The following IL15 variants were observed in gnomAD, a reference collection of about 807,000 sequenced individuals.
The protein encoded by IL15 is interleukin 15, also known as interleukin-15.
IL15 carries 11 observed loss-of-function variants against 19.6 expected under a neutral mutation model. That is an observed-to-expected ratio of 0.56 (90% confidence interval 0.35 to 0.93). The LOEUF (loss-of-function observed/expected upper bound fraction) is 0.93, where lower values mean the gene tolerates loss of function less well. IL15 is among the 40% of genes least tolerant of loss of function. The probability of loss-of-function intolerance (pLI) is 0.01; values close to 1 mark genes in which losing one functional copy is unlikely to be tolerated. For synonymous variants in IL15, 58 were observed against 59.6 expected, an observed-to-expected ratio of 0.97 and a Z score of 0.12; for missense variants, 197 against 186.5, an observed-to-expected ratio of 1.06 and a Z score of -0.33.
chr4:141,655,543 A>G (rs1727559819), intron 1 of IL15, among the ~76,000 whole-genome samples: 1 of 152,096 alleles, frequency 6.6e-6, no homozygotes, highest in African/African-American at 2.4e-5. Context: ...AATTTATTTT[A>G]TAAAATAAAA....
At chr4:141,687,428 C>A (rs1488507811) in intron 2 of IL15, among the ~76,000 whole-genome samples, 1 of 152,198 alleles carries the variant, frequency 6.6e-6, no homozygotes, top group Non-Finnish European at 1.5e-5. Flanking sequence ...CTGACAGCAT[C>A]TGCTGCAAAC....
intron 2 of IL15, among the ~76,000 whole-genome samples, chr4:141,684,049 T>G (rs1728629595): frequency 6.6e-6 from 1 of 152,182 alleles, no homozygotes; most frequent in South Asian, 2.1e-4. Flanking sequence ...AGTGCTACAA[T>G]GCAGGTGAAA....
Position 141,659,806 on chromosome 4 carries a change from G to A in IL15, c.-100+3499G>A, listed in dbSNP as rs181570456. 1.6e-3 allele frequency among the ~76,000 whole-genome samples: 249 copies of A among 152,298 alleles called. 2 individuals are homozygous for A. Among genetic ancestry groups the A allele is most frequent in the African/African-American group, 5.7e-3 (238 of 41,566 alleles). ...CCCCTAGTATATGAGTAGTAAATAA[G>A]TGTTTTGAAGTCATAAGAAGAGTGT... On this transcript the variant is annotated intron_variant, in intron 2 of 7. Coordinates refer to ENST00000320650, the MANE Select transcript of IL15 (RefSeq NM_000585.5).
chr4:141,682,932 A>G (rs1430183996), intron 2 of IL15, among the ~76,000 whole-genome samples: 1 of 151,942 alleles, frequency 6.6e-6, no homozygotes, highest in Non-Finnish European at 1.5e-5. Context: ...AACCTGGGCG[A>G]CAAAGCGAGA....
intron 2 of IL15, chr4:141,714,539 A>G (rs1729811557): frequency 6.6e-6 from 1 of 152,282 alleles, no homozygotes; most frequent in African/African-American, 2.4e-5. Flanking sequence ...CATCCCAGGC[A>G]GGCTTCTGCC....
chr4:141,711,122 A>G (rs886180792), intron 2 of IL15, among the ~76,000 whole-genome samples: 1 of 152,180 alleles, frequency 6.6e-6, no homozygotes, highest in Admixed American at 6.6e-5. Flanking sequence ...TCAGAACTGT[A>G]TACTGTATGC....
intron 2 of IL15, chr4:141,718,488 T>C (rs1274964530): frequency 2.0e-5 from 3 of 152,212 alleles, no homozygotes. Flanking sequence ...TTAGATCATA[T>C]GTAACAGGAA....
At chr4:141,679,672 T>C (rs1000087987) in intron 2 of IL15, among the ~76,000 whole-genome samples, 2 of 152,188 alleles carry the variant, frequency 1.3e-5, no homozygotes, top group Non-Finnish European at 2.9e-5. Context: ...ACCAAAATAT[T>C]AAAAAACAGA....
At chr4:141,667,261 C>T (rs540023234) in intron 2 of IL15, among the ~76,000 whole-genome samples, 4 of 152,266 alleles carry the variant, frequency 2.6e-5, no homozygotes, top group African/African-American at 7.2e-5. Flanking sequence ...ACCCAAGGAC[C>T]GGGCTGTGGG....
chr4:141,723,851 A>G (rs1730174597), intron 5 of IL15, among the ~76,000 whole-genome samples: 2 of 152,178 alleles, frequency 1.3e-5, no homozygotes, highest in Non-Finnish European at 2.9e-5. Context: ...GTGAAACAAA[A>G]AATAATAGGG....
chr4:141,693,212 T>TTTA (rs1313446118), intron 2 of IL15, among the ~76,000 whole-genome samples: 18 of 151,910 alleles, frequency 1.2e-4, no homozygotes, highest in South Asian at 6.3e-4. Context: ...AACTGCCACT[T>TTTA]TTAAACTATC....
chr4:141,643,743 G>C (rs188142138), intron 1 of IL15, among the ~76,000 whole-genome samples: 1 of 152,036 alleles, frequency 6.6e-6, no homozygotes, highest in African/African-American at 2.4e-5. Context: ...CTCTGTCTTG[G>C]TGATCTCATC....
At chr4:141,668,053 G>A (rs1169646877) in intron 2 of IL15, among the ~76,000 whole-genome samples, 1 of 152,070 alleles carries the variant, frequency 6.6e-6, no homozygotes, top group Non-Finnish European at 1.5e-5. Flanking sequence ...TTTAATTTGT[G>A]CATTAAAATG....
chr4:141,642,014 A>T (rs1479096049), intron 1 of IL15, among the ~76,000 whole-genome samples: 1 of 151,988 alleles, frequency 6.6e-6, no homozygotes, highest in Non-Finnish European at 1.5e-5. Context: ...TTGGAGAATA[A>T]TAATAATAAT....
intron 2 of IL15, among the ~76,000 whole-genome samples, chr4:141,710,467 AT>A (rs1729680494): frequency 6.6e-6 from 1 of 151,626 alleles, no homozygotes; most frequent in South Asian, 2.1e-4. Flanking sequence ...GTATCATTTT[AT>A]TTTTGTTTCA....
At chr4:141,697,780 AATGACAATTCAATCG>A (rs1226256087) in intron 2 of IL15, among the ~76,000 whole-genome samples, 28 of 151,772 alleles carry the variant, frequency 1.8e-4, no homozygotes, top group African/African-American at 6.8e-4. Flanking sequence ...AAAGGGGTCG[AATGACAATTCAATCG>A]ATGTCTTCTT....
intron 2 of IL15, among the ~76,000 whole-genome samples, chr4:141,682,771 A>G (rs1001588454): frequency 2.6e-5 from 4 of 152,116 alleles, no homozygotes; most frequent in Non-Finnish European, 5.9e-5. Flanking sequence ...CCTGGCTAAC[A>G]CAGTGAAACC....
At chr4:141,726,984 C>T (rs1298272311) in intron 5 of IL15, among the ~76,000 whole-genome samples, 1 of 152,000 alleles carries the variant, frequency 6.6e-6, no homozygotes, top group African/African-American at 2.4e-5. Flanking sequence ...CTGTATGATC[C>T]CAACTATGAC....
At chr4:141,699,999 AT>A in intron 2 of IL15, among the ~76,000 whole-genome samples, 1 of 151,876 alleles carries the variant, frequency 6.6e-6, no homozygotes, top group East Asian at 1.9e-4. Context: ...GCTCACTGCA[AT>A]CCCCATCTCC....
Sources: gnomAD v4.1 joint callset for allele counts (sites outside exome capture counted in the v4.1 genomes callset) on GRCh38, gnomAD v4.1.1 for gene constraint, MANE v1.5 for transcripts, NCBI Gene and HGNC (gene_info 2026-07-23, HGNC 2026-07-21) for gene names.